Variants in NRG1 observed in about 807,000 individuals in gnomAD.
NRG1 encodes neuregulin 1.
In NRG1, 18 loss-of-function variants were observed where a neutral mutation model predicts 63.8. The observed-to-expected ratio is 0.28, with a 90% CI of 0.19 to 0.42. NRG1 has a LOEUF of 0.42. NRG1 is among the 10% of genes least tolerant of loss of function. The pLI is 1.00. For synonymous variants in NRG1, 302 were observed against 301.3 expected, an observed-to-expected ratio of 1.00 and a Z score of -0.02; for missense variants, 762 against 814.7, an observed-to-expected ratio of 0.94 and a Z score of 0.79.
At chr8:31,791,471 T>C (rs1820704589) in intron 1 of NRG1, among the ~76,000 whole-genome samples, 1 of 152,202 alleles carries the variant, frequency 6.6e-6, no homozygotes, top group Non-Finnish European at 1.5e-5. Context: ...TCTTTAAACA[T>C]ATTCCTTCAA....
intron 1 of NRG1, among the ~76,000 whole-genome samples, chr8:32,071,615 C>T (rs1047211524): frequency 1.3e-5 from 2 of 152,028 alleles, no homozygotes; most frequent in Non-Finnish European, 2.9e-5. Context: ...CCAATATGAC[C>T]GTGGAAATGT....
Position 31,822,393 on chromosome 8 carries a change from C to T in NRG1, c.37+182962C>T, listed in dbSNP as rs141529319. On this transcript the variant is annotated intron_variant, in intron 1 of 10. Transcript: ENST00000519301. ...GAGAGATGGTTATGCTGACACTAGCCTAGGTAAGAGAGTAAGTCTCCCTCT... is the reference window on the plus strand; with the variant it reads ...GAGAGATGGTTATGCTGACACTAGCTTAGGTAAGAGAGTAAGTCTCCCTCT... 2.6e-3 allele frequency among the ~76,000 whole-genome samples: 399 copies of T among 152,068 alleles called. 1 individual carries two copies. Among genetic ancestry groups the T allele is most frequent in the African/African-American group, 9.0e-3 (374 of 41,482 alleles).
At chr8:32,458,970 C>G (rs1226781011) in intron 1 of NRG1, among the ~76,000 whole-genome samples, 1 of 152,120 alleles carries the variant, frequency 6.6e-6, no homozygotes, top group Non-Finnish European at 1.5e-5. Flanking sequence ...GCCAAGCATC[C>G]CTGGGAGTAT....
At chr8:32,374,974 TTTTA>T (rs1394067071) in intron 1 of NRG1, among the ~76,000 whole-genome samples, 5 of 151,914 alleles carry the variant, frequency 3.3e-5, no homozygotes, top group Admixed American at 3.3e-4. Context: ...GTCATCAGCA[TTTTA>T]TTTATTTGTT....
chr8:31,704,150 GT>G (rs560631534), intron 1 of NRG1, among the ~76,000 whole-genome samples: 126 of 152,290 alleles, frequency 8.3e-4, no homozygotes, highest in African/African-American at 2.8e-3. Context: ...CAAAGGTCTA[GT>G]CAGATGGTCA....
intron 1 of NRG1, among the ~76,000 whole-genome samples, chr8:31,835,572 T>C (rs1359702345): frequency 6.6e-6 from 1 of 152,170 alleles, no homozygotes. Context: ...AGTGGATAAG[T>C]GGATTCAGAT....
At chr8:31,877,767 T>A (rs576654702) in intron 1 of NRG1, among the ~76,000 whole-genome samples, 1 of 152,222 alleles carries the variant, frequency 6.6e-6, no homozygotes, top group Admixed American at 6.5e-5. Flanking sequence ...TATTTTATCA[T>A]CTCAATGACT....
chr8:32,116,820 A>G (rs1832774888), intron 1 of NRG1, among the ~76,000 whole-genome samples: 1 of 151,938 alleles, frequency 6.6e-6, no homozygotes, highest in Non-Finnish European at 1.5e-5. Flanking sequence ...TCATTCTATA[A>G]TTTAAGTTTT....
intron 1 of NRG1, among the ~76,000 whole-genome samples, chr8:32,056,716 C>A (rs1439753610): frequency 6.6e-6 from 1 of 152,164 alleles, no homozygotes; most frequent in African/African-American, 2.4e-5. Flanking sequence ...CACTACATTT[C>A]CTGAAGTGGC....
intron 1 of NRG1, among the ~76,000 whole-genome samples, chr8:32,503,292 A>G (rs1247639272): frequency 4.5e-5 from 6 of 133,284 alleles, no homozygotes; most frequent in South Asian, 5.0e-4. Flanking sequence ...GTCTCAGAAA[A>G]AAAAAAAAAA....
intron 1 of NRG1, among the ~76,000 whole-genome samples, chr8:32,230,471 C>A (rs1563931098): frequency 6.6e-6 from 1 of 152,216 alleles, no homozygotes; most frequent in Non-Finnish European, 1.5e-5. Flanking sequence ...AAATAGAGGG[C>A]ACCCATGGCA....
intron 1 of NRG1, among the ~76,000 whole-genome samples, chr8:32,352,900 CATAT>C (rs151174403): frequency 0.18 from 22,438 of 121,626 alleles, 1,853 homozygotes; most frequent in South Asian, 0.23. Context: ...TATATATATA[CATAT>C]ATATATATAT....
intron 1 of NRG1, among the ~76,000 whole-genome samples, chr8:32,469,418 A>G (rs1216321229): frequency 1.3e-5 from 2 of 152,130 alleles, no homozygotes; most frequent in Non-Finnish European, 2.9e-5. Flanking sequence ...TTGGGGCCAG[A>G]GAAAAGTGAA....
At chr8:31,948,208 C>T (rs1439670835) in intron 1 of NRG1, among the ~76,000 whole-genome samples, 1 of 152,044 alleles carries the variant, frequency 6.6e-6, no homozygotes, top group African/African-American at 2.4e-5. Context: ...TTAGCATTTT[C>T]ATTTTTCTTG....
intron 1 of NRG1, among the ~76,000 whole-genome samples, chr8:32,093,620 GGT>G (rs1162424800): frequency 6.6e-6 from 1 of 152,156 alleles, no homozygotes; most frequent in African/African-American, 2.4e-5. Context: ...TTTGAGGAGA[GGT>G]GTTTCTGTTT....
intron 1 of NRG1, among the ~76,000 whole-genome samples, chr8:31,981,802 A>C (rs974008381): frequency 2.6e-5 from 4 of 151,980 alleles, no homozygotes; most frequent in African/African-American, 9.7e-5. Flanking sequence ...CTCATAATTA[A>C]ATGTAATTTT....
chr8:31,939,126 G>A (rs374903856), intron 1 of NRG1, among the ~76,000 whole-genome samples: 23 of 152,248 alleles, frequency 1.5e-4, no homozygotes, highest in East Asian at 1.4e-3. Context: ...GTTATCTAAA[G>A]TCAAGATGAA....
At chr8:32,063,936 A>C (rs2130937645) in intron 1 of NRG1, among the ~76,000 whole-genome samples, 1 of 152,182 alleles carries the variant, frequency 6.6e-6, no homozygotes, top group East Asian at 1.9e-4. Flanking sequence ...ATGACACACA[A>C]GGAGATCAGG....
chr8:32,687,482 C>A (rs965505765), intron 5 of NRG1, among the ~76,000 whole-genome samples: 1 of 152,118 alleles, frequency 6.6e-6, no homozygotes, highest in Non-Finnish European at 1.5e-5. Context: ...AAGCTGAGCC[C>A]GAGTCTGAAC....
Sources: gnomAD v4.1 joint callset for allele counts (sites outside exome capture counted in the v4.1 genomes callset) on GRCh38, gnomAD v4.1.1 for gene constraint, MANE v1.5 for transcripts, NCBI Gene and HGNC (gene_info 2026-07-23, HGNC 2026-07-21) for gene names.